The following SMPD3 variants were observed in gnomAD, a reference collection of about 807,000 sequenced individuals.
The protein encoded by SMPD3 is sphingomyelin phosphodiesterase 3.
A neutral mutation model predicts 55.7 loss-of-function variants in SMPD3; 21 were observed. The ratio of observed to expected loss-of-function variants is 0.38; its 90% CI spans 0.27 to 0.54. The LOEUF is 0.54. SMPD3 is among the 20% of genes least tolerant of loss of function. The probability of loss-of-function intolerance (pLI) is 0.80; values close to 1 mark genes in which losing one functional copy is unlikely to be tolerated. For missense variants in SMPD3, 842 were observed against 899.6 expected (o/e 0.94, Z 0.82); for synonymous variants, 457 against 404.3 (o/e 1.13, Z -1.56).
chr16:68,431,122 G>A (rs1273282534), intron 1 of SMPD3, among the ~76,000 whole-genome samples: 3 of 152,148 alleles, frequency 2.0e-5, no homozygotes, highest in Admixed American at 2.0e-4. Context: ...AAGAAAATGT[G>A]GCCTTAGATT....
intron 1 of SMPD3, among the ~76,000 whole-genome samples, chr16:68,390,377 C>T (rs1357380186): frequency 1.3e-5 from 2 of 152,170 alleles, no homozygotes; most frequent in Non-Finnish European, 2.9e-5. Flanking sequence ...AATGCCTAAC[C>T]TAGGCTGGAT....
intron 1 of SMPD3, among the ~76,000 whole-genome samples, chr16:68,400,217 G>T (rs1421100329): frequency 6.6e-6 from 1 of 152,204 alleles, no homozygotes; most frequent in African/African-American, 2.4e-5. Context: ...ACGTGTCGGG[G>T]GTGATGTGGT....
chr16:68,410,335 G>A (rs2090289210), intron 1 of SMPD3, among the ~76,000 whole-genome samples: 1 of 151,954 alleles, frequency 6.6e-6, no homozygotes, highest in Non-Finnish European at 1.5e-5. Context: ...ACAGACCAGG[G>A]GTGGCCCCAC....
At position 68,360,945 on chromosome 16, in the gene SMPD3, G is replaced by A. The variant is rs2089224027; in HGVS notation, c.*261C>T. 1 of 486,408 alleles carries A rather than the reference G, an allele frequency of 2.1e-6. No homozygotes were observed. The highest frequency in any genetic ancestry group is 3.7e-6 in the Non-Finnish European group (1 of 271,538). 30.1% of individuals were successfully genotyped at this position (486,408 alleles called of 1,614,324 possible). A position where few individuals can be genotyped will look rare whatever the true frequency, so the allele number is the denominator to read the frequency against. ...CACGGGTTACAAACTCGGTTGTGCT[G>A]TAGATTTGTAGAAAATCGTGTTGTG... On this transcript the variant is annotated 3_prime_UTR_variant, in exon 9 of 9. Coordinates refer to ENST00000219334, the MANE Select transcript of SMPD3 (RefSeq NM_018667.4).
chr16:68,425,925 G>A (rs189419938), intron 1 of SMPD3, among the ~76,000 whole-genome samples: 2 of 152,278 alleles, frequency 1.3e-5, no homozygotes, highest in Admixed American at 1.3e-4. Context: ...AGGTGACAAT[G>A]TACCCCCAGC....
chr16:68,412,995 A>C (rs2152019544), intron 1 of SMPD3, among the ~76,000 whole-genome samples: 1 of 152,368 alleles, frequency 6.6e-6, no homozygotes, highest in South Asian at 2.1e-4. Flanking sequence ...TTTTATAGAA[A>C]AGAAAACAGA....
At chr16:68,401,793 G>A (rs912964272) in intron 1 of SMPD3, among the ~76,000 whole-genome samples, 5 of 152,110 alleles carry the variant, frequency 3.3e-5, no homozygotes, top group Non-Finnish European at 5.9e-5. Context: ...AAATGCCTTC[G>A]TCGCAGATCT....
chr16:68,395,542 C>G (rs1361486840), intron 1 of SMPD3, among the ~76,000 whole-genome samples: 1 of 152,186 alleles, frequency 6.6e-6, no homozygotes, highest in Non-Finnish European at 1.5e-5. Context: ...CCGTCATGTC[C>G]CAGTTCACCT....
intron 1 of SMPD3, among the ~76,000 whole-genome samples, chr16:68,434,022 C>T (rs1361385084): frequency 6.6e-6 from 1 of 152,080 alleles, no homozygotes; most frequent in Non-Finnish European, 1.5e-5. Context: ...AGTGGCTTTT[C>T]AGTGGTTTAG....
chr16:68,363,497 T>C lies in SMPD3; in HGVS notation c.1708A>G (p.Lys570Glu), dbSNP rs2089378213. Reference sequence around the variant, plus strand: ...CTGGCCTGGGAGCGCAGTGCTTACTTCTGCAGGTTGTCGGGGGTGCACACA... The same window carrying C: ...CTGGCCTGGGAGCGCAGTGCTTACTCCTGCAGGTTGTCGGGGGTGCACACA... The part of the protein sequence containing the change: ...EDVCTPDNLQ[K>E]VLESEEGRRE... Residue 570 changes from lysine to glutamate, a missense_variant and splice_region_variant, in exon 7 of 9, where the codon AAG (lysine) becomes GAG (glutamate). This residue lies in a region of SMPD3 where 649 missense variants were observed against 643.6 expected (regional missense o/e 1.01). Transcript: ENST00000219334. 1.2e-6 allele frequency: 2 copies of C among 1,613,892 alleles called. No homozygotes were observed. The highest frequency in any genetic ancestry group is 2.7e-5 in the African/African-American group (2 of 74,910).
At chr16:68,430,062 T>C (rs2090467656) in intron 1 of SMPD3, among the ~76,000 whole-genome samples, 1 of 151,860 alleles carries the variant, frequency 6.6e-6, no homozygotes, top group Non-Finnish European at 1.5e-5. Flanking sequence ...ATCTGCAGAG[T>C]GGGGTTGGAG....
Position 68,365,112 on chromosome 16 carries a change from G to C in SMPD3, c.1324-20C>G. 6.2e-7 allele frequency: 1 copy of C among 1,613,344 alleles called. No individual in the cohort carries two copies. The highest frequency in any genetic ancestry group is 8.5e-7 in the Non-Finnish European group (1 of 1,179,650). The stretch of plus-strand genomic sequence containing the variant: ...CTGCACCTGGGGGAGGAGGGGGTCA[G>C]TGCTGCCACCTGCCAGTCACTGTGG... On this transcript the variant is annotated intron_variant, in intron 3 of 8. Transcript: ENST00000219334.
intron 1 of SMPD3, among the ~76,000 whole-genome samples, chr16:68,390,918 C>G (rs1321781804): frequency 6.6e-6 from 1 of 152,002 alleles, no homozygotes; most frequent in Non-Finnish European, 1.5e-5. Flanking sequence ...GAGGAGCTAC[C>G]CTTCAAACCT....
rs1023362314 is a variant in SMPD3 at position 68,372,300 on chromosome 16, G to A, written c.-119C>T. The A allele has an allele frequency of 9.9e-6, 13 of 1,310,192 alleles. No individual in the cohort carries two copies. The highest frequency in any genetic ancestry group is 5.0e-5 in the East Asian group (2 of 40,170). 81.2% of individuals were successfully genotyped at this position (1,310,192 alleles called of 1,614,324 possible). On this transcript the variant is annotated 5_prime_UTR_variant, in exon 3 of 9. Coordinates refer to ENST00000219334, the MANE Select transcript of SMPD3 (RefSeq NM_018667.4). ...GCTGGAGGAGGGGTCACCTCCTGGCGAGATGCAACTCCGGCTGGTCAATGG... is the reference window on the plus strand; with the variant it reads ...GCTGGAGGAGGGGTCACCTCCTGGCAAGATGCAACTCCGGCTGGTCAATGG...
At position 68,446,481 on chromosome 16, in the gene SMPD3, A is replaced by T. The variant is rs958839159; in HGVS notation, c.-269+1872T>A. On this transcript the variant is annotated intron_variant, in intron 1 of 8. Transcript: ENST00000219334. The stretch of plus-strand genomic sequence containing the variant: ...CCATCAGTAAATGAGTAAGTGGTTC[A>T]TCTACACACACACACACACACACAC... Among the ~76,000 whole-genome samples, 9 of 139,404 alleles carry T rather than the reference A, an allele frequency of 6.5e-5. No individual in the cohort carries two copies. The East Asian group carries it at 1.2e-3, about 19-fold the overall frequency. 91.5% of individuals were successfully genotyped at this position (139,404 alleles called of 152,430 possible). A position where few individuals can be genotyped will look rare whatever the true frequency, so the allele number is the denominator to read the frequency against.
chr16:68,367,042 C>T (rs970509199), intron 3 of SMPD3, among the ~76,000 whole-genome samples: 2 of 151,470 alleles, frequency 1.3e-5, no homozygotes, highest in Non-Finnish European at 2.9e-5. Flanking sequence ...GGTGTGCATG[C>T]CTGTAACCCC....
chr16:68,420,719 T>C (rs1009443468), intron 1 of SMPD3, among the ~76,000 whole-genome samples: 5 of 152,232 alleles, frequency 3.3e-5, no homozygotes, highest in African/African-American at 4.8e-5. Context: ...AGCTGCCCCA[T>C]AGGCCACCTC....
intron 1 of SMPD3, among the ~76,000 whole-genome samples, chr16:68,420,466 T>C (rs373251865): frequency 6.6e-6 from 1 of 152,196 alleles, no homozygotes; most frequent in African/African-American, 2.4e-5. Flanking sequence ...ATAGCCTGGT[T>C]ACCCAGGCTT....
chr16:68,390,091 G>T (rs2152003987), intron 1 of SMPD3, among the ~76,000 whole-genome samples: 1 of 152,262 alleles, frequency 6.6e-6, no homozygotes, highest in East Asian at 1.9e-4. Context: ...TGAAACTGAG[G>T]GTTCCTCTCC....
Sources: gnomAD v4.1 joint callset for allele counts (sites outside exome capture counted in the v4.1 genomes callset) on GRCh38, gnomAD v4.1.1 for gene constraint, gnomAD v4.1.1 regional missense constraint, MANE v1.5 for transcripts, NCBI Gene and HGNC (gene_info 2026-07-23, HGNC 2026-07-21) for gene names.